PHRF1: variants seen among roughly 807,000 people sequenced by gnomAD.
The protein encoded by PHRF1 is PHD and RING finger domain-containing protein 1.
A neutral mutation model predicts 128.9 loss-of-function variants in PHRF1; 53 were observed. The observed-to-expected ratio is 0.41, with a 90% confidence interval of 0.33 to 0.52. PHRF1 has a LOEUF of 0.52. Ranked by LOEUF, PHRF1 falls within the 20% of genes least tolerant of loss-of-function variation. The pLI, the probability that PHRF1 is intolerant of heterozygous loss-of-function variation, is 0.21. For missense variants in PHRF1, 2,503 were observed against 2,284.5 expected, an observed-to-expected ratio of 1.10 and a Z score of -1.95; for synonymous variants, 1,178 against 980.6, an observed-to-expected ratio of 1.20 and a Z score of -3.76.
At chr11:594,082 C>A (rs1183217826) in intron 6 of PHRF1, among the ~76,000 whole-genome samples, 1 of 152,112 alleles carries the variant, frequency 6.6e-6, no homozygotes, top group Non-Finnish European at 1.5e-5. Flanking sequence ...TACTGACTTA[C>A]ACCGTGAATA....
intron 9 of PHRF1, among the ~76,000 whole-genome samples, chr11:600,923 G>A (rs1401566708): frequency 2.0e-5 from 3 of 152,054 alleles, no homozygotes; most frequent in Non-Finnish European, 4.4e-5. Context: ...CTGAGATCAC[G>A]CCACTGCATT....
intron 8 of PHRF1, 29 bp from the exon 9 acceptor site, chr11:598,344 A>G (rs766387242): frequency 3.7e-6 from 6 of 1,600,180 alleles, no homozygotes; most frequent in Admixed American, 1.7e-5. Flanking sequence ...CCCCAAGGGC[A>G]TCTGACGGCA....
intron 4 of PHRF1, 70 bp downstream of exon 4, chr11:587,534 G>C (rs1589866677): frequency 1.3e-6 from 2 of 1,495,382 alleles, no homozygotes; most frequent in East Asian, 2.3e-5. Context: ...GACCCAGCCT[G>C]TGTTCAGCCT....
At chr11:595,314 CAAAA>C (rs375972665) in intron 6 of PHRF1, among the ~76,000 whole-genome samples, 5 of 152,114 alleles carry the variant, frequency 3.3e-5, no homozygotes, top group African/African-American at 1.2e-4. Context: ...AAACAAAAAA[CAAAA>C]AAACACTATC....
At position 608,147 on chromosome 11, in the gene PHRF1, A is replaced by G. The variant is rs1856074215; in HGVS notation, c.2691A>G (p.Gly897=). The change falls in exon 14 of 18, where the codon GGA becomes GGG. Residue 897 remains glycine (G), a synonymous_variant. Coordinates refer to ENST00000264555, the MANE Select transcript of PHRF1 (RefSeq NM_001286581.2). The stretch of plus-strand genomic sequence containing the variant: ...GTACAGAGCCCGAACCCCCTCTCGG[A>G]CCGTCCTCCGCCATGTCCAAGCTCC... ...IFGTEPEPPL[G]PSSAMSKLRG... is the part of the protein sequence containing the mutation. 3 of 1,611,188 alleles carry G rather than the reference A, an allele frequency of 1.9e-6. No individual in the cohort carries two copies. Among genetic ancestry groups the G allele is most frequent in the African/African-American group, 2.7e-5 (2 of 75,012 alleles).
chr11:584,236 A>G (rs1179942416), intron 3 of PHRF1, among the ~76,000 whole-genome samples: 4 of 152,130 alleles, frequency 2.6e-5, no homozygotes, highest in Admixed American at 2.6e-4. Context: ...CATCTGTAGT[A>G]GGTCTCCGCA....
intron 1 of PHRF1, among the ~76,000 whole-genome samples, chr11:578,156 C>G (rs1323355074): frequency 6.6e-6 from 1 of 152,168 alleles, no homozygotes; most frequent in Non-Finnish European, 1.5e-5. Context: ...TCCCATTAAC[C>G]CAGCATCCTA....
rs763999532 is a variant in PHRF1 at position 592,672 on chromosome 11, G to A, written c.618G>A (p.Ala206=). ...TTTTGCTCTGCGACGGCTGCGATGC[G>A]GGGTAAGGGACGGTTGGGACTGGCA... ...DRLLLCDGCD[A]GYHMECLDPP... The change falls in exon 6 of 18, where the codon GCG becomes GCA. Residue 206 remains alanine, a splice_region_variant and synonymous_variant. Coordinates refer to ENST00000264555, the MANE Select transcript of PHRF1 (RefSeq NM_001286581.2). The A allele has an allele frequency of 3.8e-5, 61 of 1,613,888 alleles. No homozygotes were observed. The Middle Eastern group carries it at 4.9e-4, about 13-fold the overall frequency.
rs1856076521 is a variant in PHRF1 at position 608,167 on chromosome 11, A to G, written c.2711A>G (p.Lys904Arg). Reference protein sequence around the residue: ...PPLGPSSAMSKLRGAVAAEGA... With the variant: ...PPLGPSSAMSRLRGAVAAEGA... ...CTCGGACCGTCCTCCGCCATGTCCA[A>G]GCTCCGGGGTGCAGTGGCTGCCGAG... Residue 904 changes from lysine to arginine, a missense_variant, in exon 14 of 18, where the codon AAG becomes AGG. Coordinates refer to ENST00000264555, the MANE Select transcript of PHRF1 (RefSeq NM_001286581.2). 3.1e-6 allele frequency: 5 copies of G among 1,610,722 alleles called. No individual in the cohort carries two copies. Among genetic ancestry groups the G allele is most frequent in the Non-Finnish European group, 4.2e-6 (5 of 1,179,810 alleles).
In PHRF1 at chr11:591,376, T is replaced by C; in HGVS notation, c.421-8T>C. The C allele has an allele frequency of 6.2e-7, 1 of 1,602,322 alleles. No individual in the cohort carries two copies. The highest frequency in any genetic ancestry group is 8.5e-7 in the Non-Finnish European group (1 of 1,173,642). ...ACAAGATTCTGATCCTGTTTTTATTTCTCACAGAATGCCAATTCCTGTCCA... is the reference window on the plus strand; with the variant it reads ...ACAAGATTCTGATCCTGTTTTTATTCCTCACAGAATGCCAATTCCTGTCCA... On this transcript the variant is annotated splice_region_variant and splice_polypyrimidine_tract_variant and intron_variant, in intron 4 of 17. Coordinates refer to ENST00000264555, the MANE Select transcript of PHRF1 (RefSeq NM_001286581.2).
rs372220186 is a variant in PHRF1 at position 607,523 on chromosome 11, C to T, written c.2067C>T (p.Asp689=). 4.3e-5 allele frequency: 70 copies of T among 1,612,752 alleles called. No homozygotes were observed. The highest frequency in any genetic ancestry group is 3.3e-4 in the African/African-American group (25 of 75,068). ...GGATACCAAAGATCAGGAGAGATGA[C>T]GGTGGTGGCAGACGGGATGCGGCCC... ...LPRIPKIRRD[D]GGGRRDAAPA... is the part of the protein sequence containing the mutation. The change falls in exon 14 of 18, where the codon GAC becomes GAT. Residue 689 remains aspartate, a synonymous_variant. Coordinates refer to ENST00000264555, the MANE Select transcript of PHRF1 (RefSeq NM_001286581.2).
rs1855325006 is a variant in PHRF1, at chr11:597,082, C to A, written c.718+62C>A. On this transcript the variant is annotated intron_variant, in intron 7 of 17. Transcript: ENST00000264555. This position sits in a 1 kb window ranked among gnomAD's most constrained non-coding sequence, Gnocchi z 6.5. ...CCTTCTCACTGTCCACTCTGCGGTC[C>A]CCGGGGTTAGGTTTGGCTGCTGTGT... The A allele has an allele frequency of 1.3e-6, 2 of 1,533,176 alleles. No homozygotes were observed. Among genetic ancestry groups the A allele is most frequent in the African/African-American group, 2.7e-5 (2 of 73,072 alleles). 95.0% of individuals were successfully genotyped at this position (1,533,176 alleles called of 1,614,324 possible). A position where few individuals can be genotyped will look rare whatever the true frequency, so the allele number is the denominator to read the frequency against.
chr11:602,325 C>T (rs756978650), intron 10 of PHRF1, among the ~76,000 whole-genome samples: 10 of 152,058 alleles, frequency 6.6e-5, no homozygotes, highest in Non-Finnish European at 1.0e-4. Context: ...ATGCTCAAAC[C>T]GGGACTAAAT....
chr11:581,849 C>G, intron 2 of PHRF1, 113 bp from the exon 3 acceptor site: 8 of 1,418,246 alleles, frequency 5.6e-6, no homozygotes, highest in Non-Finnish European at 7.5e-6. Flanking sequence ...CTGGGGAAGC[C>G]GTTAGCCGTT....
At chr11:585,112 T>C (rs1348322072) in intron 3 of PHRF1, among the ~76,000 whole-genome samples, 2 of 152,212 alleles carry the variant, frequency 1.3e-5, no homozygotes, top group African/African-American at 4.8e-5. Flanking sequence ...GAGGGAGTTA[T>C]TCCACGAGCA....
chr11:576,760 C>A lies in PHRF1; in HGVS notation c.-22+168C>A, dbSNP rs1397510163. Among the ~76,000 whole-genome samples the A allele has an allele frequency of 7.4e-5, 8 of 108,218 alleles. 2 individuals carry two copies. Among genetic ancestry groups the A allele is most frequent in the African/African-American group, 1.3e-4 (4 of 29,862 alleles). 71.0% of individuals were successfully genotyped at this position (108,218 alleles called of 152,430 possible). A position where few individuals can be genotyped will look rare whatever the true frequency, so the allele number is the denominator to read the frequency against. Reference sequence around the variant, plus strand: ...GCGCGCGCGCGCTGGGAGGCCCCGCCGAGACTGGGAGGCCCCGCCGAGACT... The same window carrying A: ...GCGCGCGCGCGCTGGGAGGCCCCGCAGAGACTGGGAGGCCCCGCCGAGACT... On this transcript the variant is annotated intron_variant, in intron 1 of 17. Coordinates refer to ENST00000264555, the MANE Select transcript of PHRF1 (RefSeq NM_001286581.2).
chr11:608,204 C>G lies in PHRF1; in HGVS notation c.2748C>G (p.Asp916Glu). ...CAGTGGCTGCCGAGGGGGCCTCTGA[C>G]ACGGAGCGAGAGGAGCCCACAGAGA... is the stretch of plus-strand genomic sequence containing the variant. ...RGAVAAEGAS[D>E]TEREEPTESQ... Residue 916 changes from aspartate to glutamate, a missense_variant, in exon 14 of 18, where the codon GAC becomes GAG. Coordinates refer to ENST00000264555, the MANE Select transcript of PHRF1 (RefSeq NM_001286581.2). 1 of 1,609,664 alleles carries G rather than the reference C, an allele frequency of 6.2e-7. No individual in the cohort carries two copies. The highest frequency in any genetic ancestry group is 1.7e-4 in the Middle Eastern group (1 of 6,058).
chr11:601,319 C>T (rs1855612079), intron 9 of PHRF1, among the ~76,000 whole-genome samples: 1 of 151,526 alleles, frequency 6.6e-6, no homozygotes, highest in African/African-American at 2.4e-5. Flanking sequence ...GTTCCAGCTG[C>T]TTGGGAGGCT....
At chr11:602,997 G>C (rs1212845038) in intron 10 of PHRF1, among the ~76,000 whole-genome samples, 1 of 151,916 alleles carries the variant, frequency 6.6e-6, no homozygotes. Flanking sequence ...TCCTGACCTC[G>C]TGATCTGCCC....
Sources: gnomAD v4.1 joint callset for allele counts (sites outside exome capture counted in the v4.1 genomes callset) on GRCh38, gnomAD v4.1.1 for gene constraint, Gnocchi (gnomAD v3.1) non-coding constraint, MANE v1.5 for transcripts, NCBI Gene and HGNC (gene_info 2026-07-23, HGNC 2026-07-21) for gene names.